Variants in CACNA1C observed in about 807,000 individuals in gnomAD.
The protein encoded by CACNA1C is calcium voltage-gated channel subunit alpha1 C.
Under a neutral mutation model 229.0 loss-of-function variants are expected in CACNA1C, and 30 were observed. That is an observed-to-expected ratio of 0.13 (90% CI 0.10 to 0.18). The LOEUF is 0.18. Ranked by LOEUF, CACNA1C falls within the 10% of genes least tolerant of loss-of-function variation. CACNA1C has a pLI of 1.00. For missense variants in CACNA1C, 1,658 were observed against 2,845.0 expected (o/e 0.58, Z 9.49); for synonymous variants, 1,114 against 1,132.5 (o/e 0.98, Z 0.33).
rs565029283 is a variant in CACNA1C, at chr12:2,198,397, G to C, written c.477+77967G>C. Reference sequence around the variant, plus strand: ...TGGAACCGGAGGCCTCCCCTCTGCGGCTATTTAAATGTGTTCCTCCGGCAT... The same window carrying C: ...TGGAACCGGAGGCCTCCCCTCTGCGCCTATTTAAATGTGTTCCTCCGGCAT... On this transcript the variant is annotated intron_variant, in intron 3 of 46. Transcript: ENST00000399655. 2.6e-5 allele frequency among the ~76,000 whole-genome samples: 4 copies of C among 152,256 alleles called. No homozygotes were observed. The South Asian group carries it at 8.3e-4, about 32-fold the overall frequency.
intron 9 of CACNA1C, among the ~76,000 whole-genome samples, chr12:2,543,165 C>T (rs934423745): frequency 6.6e-5 from 10 of 152,134 alleles, no homozygotes; most frequent in South Asian, 2.1e-4. Context: ...GTTAGAAAAT[C>T]GGAAAACAAG....
intron 3 of CACNA1C, among the ~76,000 whole-genome samples, chr12:2,244,905 CAG>C (rs1232451803): frequency 1.3e-5 from 2 of 152,266 alleles, no homozygotes; most frequent in African/African-American, 4.8e-5. Context: ...AAAAAACAAA[CAG>C]AGTAAACTGT....
intron 29 of CACNA1C, among the ~76,000 whole-genome samples, chr12:2,634,009 G>A (rs538077441): frequency 3.3e-5 from 5 of 152,178 alleles, no homozygotes; most frequent in East Asian, 3.9e-4. Flanking sequence ...CCGGCTCCCC[G>A]GGGCGGCCAC....
Position 2,585,625 on chromosome 12 carries a change from G to A in CACNA1C, c.2460+129G>A. On this transcript the variant is annotated intron_variant, in intron 17 of 46. Coordinates refer to ENST00000399655, the MANE Select transcript of CACNA1C (RefSeq NM_000719.7). The surrounding 1 kb of genome is among the most constrained non-coding windows in gnomAD (Gnocchi z 4.1). ...ACACCCAGTGGAAAGAAAGCCAGTG[G>A]GGATGAACAGGAGAGCTGGGAGGGG... The A allele has an allele frequency of 4.3e-6, 5 of 1,159,890 alleles. No individual in the cohort carries two copies. The highest frequency in any genetic ancestry group is 6.0e-6 in the Non-Finnish European group (5 of 828,182). 71.8% of individuals were successfully genotyped at this position (1,159,890 alleles called of 1,614,324 possible).
chr12:2,462,333 C>T (rs546990294), intron 5 of CACNA1C, among the ~76,000 whole-genome samples: 3 of 116,024 alleles, frequency 2.6e-5, no homozygotes, highest in South Asian at 2.8e-4. Context: ...CTCCTCGGCC[C>T]GCCCCTTGGC....
intron 43 of CACNA1C, among the ~76,000 whole-genome samples, chr12:2,684,576 CTAGGAA>C (rs1293520517): frequency 1.3e-5 from 2 of 152,134 alleles, no homozygotes; most frequent in African/African-American, 4.8e-5. Context: ...ATTCCACAAA[CTAGGAA>C]ACTAAGAGGG....
At chr12:2,446,455 A>AGTGG (rs1223777560) in intron 3 of CACNA1C, among the ~76,000 whole-genome samples, 1 of 12,288 alleles carries the variant, frequency 8.1e-5, no homozygotes, top group Non-Finnish European at 1.5e-4. Context: ...AGAATGGGTG[A>AGTGG]GTGGGTGGGT....
rs1025818959 is a variant in CACNA1C at position 2,653,348 on chromosome 12, C to G, written c.4075-487C>G. On this transcript the variant is annotated intron_variant, in intron 32 of 46. Transcript: ENST00000399655. The surrounding 1 kb of genome is among the most constrained non-coding windows in gnomAD (Gnocchi z 4.7). ...CAGAAACAGGATTTGAACCCATGAT[C>G]TTTCTTTTAAATTTTTCCTTATTAA... 2.0e-5 allele frequency among the ~76,000 whole-genome samples: 3 copies of G among 152,316 alleles called. No homozygotes were observed. The highest frequency in any genetic ancestry group is 2.1e-4 in the South Asian group (1 of 4,826).
intron 3 of CACNA1C, among the ~76,000 whole-genome samples, chr12:2,351,534 C>CTG (rs1278754982): frequency 6.6e-6 from 1 of 152,220 alleles, no homozygotes; most frequent in Non-Finnish European, 1.5e-5. Context: ...CCCCACCCTT[C>CTG]TGTCCTTCCT....
At chr12:2,684,098 G>C (rs2097318832) in intron 43 of CACNA1C, among the ~76,000 whole-genome samples, 1 of 152,334 alleles carries the variant, frequency 6.6e-6, no homozygotes, top group African/African-American at 2.4e-5. Flanking sequence ...AGTGTGGGGA[G>C]AATGGCAGCC....
Position 2,034,815 on chromosome 12 carries a change from G to C in CACNA1C, c.139+63614G>C, listed in dbSNP as rs996129359. Among the ~76,000 whole-genome samples, 7 of 152,234 alleles carry C rather than the reference G, an allele frequency of 4.6e-5. No individual in the cohort carries two copies. Among genetic ancestry groups the C allele is most frequent in the Non-Finnish European group, 7.3e-5 (5 of 68,044 alleles). ...ATAGTCCCTGTGCAAGGAATCTATAGATGGGAATGGGGAGAGACAGGCAGA... is the reference window on the plus strand; with the variant it reads ...ATAGTCCCTGTGCAAGGAATCTATACATGGGAATGGGGAGAGACAGGCAGA... On this transcript the variant is annotated intron_variant, in intron 1 of 46. Coordinates refer to the CACNA1C transcript ENST00000682462. This position sits in a 1 kb window ranked among gnomAD's most constrained non-coding sequence, Gnocchi z 4.1.
rs3085990 is a variant in CACNA1C at position 2,067,481 on chromosome 12, T to TGTGTGTGTGTGTGTGTGTGTGC, written c.49+13871_49+13872insTGTGTGTGTGTGTGTGTGTGCG. Among the ~76,000 whole-genome samples the TGTGTGTGTGTGTGTGTGTGTGC allele has an allele frequency of 7.8e-5, 11 of 140,778 alleles. No individual in the cohort carries two copies. Among genetic ancestry groups the TGTGTGTGTGTGTGTGTGTGTGC allele is most frequent in the Non-Finnish European group, 1.1e-4 (7 of 65,688 alleles). 92.4% of individuals were successfully genotyped at this position (140,778 alleles called of 152,430 possible). Reference sequence around the variant, plus strand: ...GTGTGTGTGTGTGTGTGTGTGTGTGTGCGCGCGTGTGCGTGCCTGTATGTA... The same window carrying TGTGTGTGTGTGTGTGTGTGTGC: ...GTGTGTGTGTGTGTGTGTGTGTGTGTGTGTGTGTGTGTGTGTGTGTGCGCGCGCGTGTGCGTGCCTGTATGTA... On this transcript the variant is annotated intron_variant, in intron 1 of 46. Coordinates refer to ENST00000399655, the MANE Select transcript of CACNA1C (RefSeq NM_000719.7). This position sits in a 1 kb window ranked among gnomAD's most constrained non-coding sequence, Gnocchi z 5.3.
chr12:2,673,687 C>G (rs2153749759), intron 38 of CACNA1C, among the ~76,000 whole-genome samples: 1 of 152,246 alleles, frequency 6.6e-6, no homozygotes, highest in East Asian at 1.9e-4. Context: ...AGCTGGGGAC[C>G]CCCTCTGCTC....
intron 3 of CACNA1C, among the ~76,000 whole-genome samples, chr12:2,189,297 C>T (rs1393154030): frequency 2.0e-5 from 3 of 152,006 alleles, no homozygotes; most frequent in African/African-American, 4.8e-5. Flanking sequence ...ATGGATGCAG[C>T]GAGGACAGAG....
intron 1 of CACNA1C, among the ~76,000 whole-genome samples, chr12:1,976,002 C>T (rs2034233128): frequency 6.6e-6 from 1 of 152,126 alleles, no homozygotes; most frequent in Admixed American, 6.5e-5. Flanking sequence ...CAACTCAACA[C>T]ACAGAAAAAT....
chr12:2,598,240 C>A (rs952747831), intron 21 of CACNA1C, among the ~76,000 whole-genome samples: 1 of 152,146 alleles, frequency 6.6e-6, no homozygotes, highest in Non-Finnish European at 1.5e-5. Flanking sequence ...AGCACCCAGC[C>A]CCCAGCCCCC....
At chr12:1,979,668 ATGTT>A (rs2035554180) in intron 1 of CACNA1C, among the ~76,000 whole-genome samples, 1 of 152,224 alleles carries the variant, frequency 6.6e-6, no homozygotes, top group African/African-American at 2.4e-5. Context: ...CGCTAGTTAT[ATGTT>A]TAAGTTTATG....
chr12:2,478,339 G>A (rs2099641711), intron 5 of CACNA1C, among the ~76,000 whole-genome samples: 1 of 152,188 alleles, frequency 6.6e-6, no homozygotes, highest in Non-Finnish European at 1.5e-5. Context: ...TGAGGTTGCT[G>A]CAGCCTCCCA....
Position 2,487,398 on chromosome 12 carries a change from A to G in CACNA1C, c.916+1136A>G, listed in dbSNP as rs558443591. ...GATAGCTTCCAAACAACAGGGAGTGAAATTCGTAGCAGAAACCAAAACAGA... is the reference window on the plus strand; with the variant it reads ...GATAGCTTCCAAACAACAGGGAGTGGAATTCGTAGCAGAAACCAAAACAGA... On this transcript the variant is annotated intron_variant, in intron 6 of 46. Transcript: ENST00000399655. Among the ~76,000 whole-genome samples, 8 of 149,908 alleles carry G rather than the reference A, an allele frequency of 5.3e-5. No homozygotes were observed. In the South Asian group the frequency reaches 1.6e-3, roughly 29 times the overall value.
Sources: allele counts gnomAD v4.1 joint callset (sites outside exome capture counted in the v4.1 genomes callset), GRCh38; gene constraint gnomAD v4.1.1; non-coding constraint Gnocchi (gnomAD v3.1); transcripts MANE v1.5; gene names NCBI Gene and HGNC (gene_info 2026-07-23, HGNC 2026-07-21).